The following PML variants were observed in gnomAD, a reference collection of about 807,000 sequenced individuals.
PML encodes protein PML.
In PML, 28 loss-of-function variants were observed where a neutral mutation model predicts 65.2. The ratio of observed to expected loss-of-function variants is 0.43; its 90% CI spans 0.32 to 0.59. The LOEUF is 0.59. Ranked by LOEUF, PML falls within the 20% of genes least tolerant of loss-of-function variation. The probability of loss-of-function intolerance (pLI) is 0.08; values close to 1 mark genes in which losing one functional copy is unlikely to be tolerated. For synonymous variants in PML, 500 were observed against 508.8 expected (o/e 0.98, Z 0.23); for missense variants, 1,021 against 1,203.4 (o/e 0.85, Z 2.24).
At chr15:74,015,144 C>T (rs1367066790) in intron 2 of PML, among the ~76,000 whole-genome samples, 1 of 152,220 alleles carries the variant, frequency 6.6e-6, no homozygotes, top group East Asian at 1.9e-4. Flanking sequence ...TTTCCCCTCT[C>T]CAACACTACC....
At chr15:74,022,617 A>G (rs1406487103) in intron 2 of PML, among the ~76,000 whole-genome samples, 2 of 152,208 alleles carry the variant, frequency 1.3e-5, no homozygotes, top group Non-Finnish European at 2.9e-5. Context: ...GGATGTTGAA[A>G]TTGTTACTGT....
intron 2 of PML, among the ~76,000 whole-genome samples, chr15:74,006,467 A>G (rs928792782): frequency 1.3e-5 from 2 of 152,036 alleles, no homozygotes; most frequent in Non-Finnish European, 1.5e-5. Context: ...CACATCTAGC[A>G]TGGGAATTGT....
chr15:74,000,884 A>T (rs2069730567), intron 2 of PML, among the ~76,000 whole-genome samples: 1 of 152,242 alleles, frequency 6.6e-6, no homozygotes, highest in Non-Finnish European at 1.5e-5. Context: ...AAATTCTATT[A>T]TAATTTCTCT....
intron 4 of PML, 104 bp downstream of exon 4, chr15:74,025,031 G>A: frequency 1.3e-6 from 1 of 785,302 alleles, no homozygotes; most frequent in East Asian, 2.5e-5. Context: ...GTCTGAGTGA[G>A]GGACAGCAAG....
At chr15:74,041,047 G>T (rs2071685135) in intron 7 of PML, among the ~76,000 whole-genome samples, 1 of 152,214 alleles carries the variant, frequency 6.6e-6, no homozygotes, top group African/African-American at 2.4e-5. Context: ...GGGAAGACTG[G>T]TTCTAAGGCC....
chr15:74,042,952 C>T lies in PML; in HGVS notation c.1711-37C>T. The T allele has an allele frequency of 7.4e-6, 12 of 1,612,858 alleles. No homozygotes were observed. The highest frequency in any genetic ancestry group is 9.3e-6 in the Non-Finnish European group (11 of 1,179,976). ...TTCTGCACAGGTGCTTGCCTTGGCCCTCTGAATCCCTGACGCTTGGTTTTT... is the reference window on the plus strand; with the variant it reads ...TTCTGCACAGGTGCTTGCCTTGGCCTTCTGAATCCCTGACGCTTGGTTTTT... On this transcript the variant is annotated intron_variant, in intron 7 of 8. Transcript: ENST00000268058. This position sits in a 1 kb window ranked among gnomAD's most constrained non-coding sequence, Gnocchi z 5.3.
rs1011715830 is a variant in PML, at chr15:74,045,556, C to T, written c.*548C>T. ...CAGAGGCCAACTCTGTTCCCTTCTC[C>T]TTTCATCCCAGAGGGGCCTCATCAG... On this transcript the variant is annotated 3_prime_UTR_variant, in exon 9 of 9. Transcript: ENST00000268058. 1 of 234,258 alleles carries T rather than the reference C, an allele frequency of 4.3e-6. No homozygotes were observed. 14.5% of individuals were successfully genotyped at this position (234,258 alleles called of 1,614,324 possible).
chr15:74,000,993 G>C (rs529784107), intron 2 of PML, among the ~76,000 whole-genome samples: 1 of 152,178 alleles, frequency 6.6e-6, no homozygotes, highest in Admixed American at 6.5e-5. Context: ...AGATTTTTGG[G>C]AACTTTTCCC....
intron 2 of PML, among the ~76,000 whole-genome samples, chr15:74,010,889 G>T (rs1048901613): frequency 6.6e-6 from 1 of 152,126 alleles, no homozygotes; most frequent in African/African-American, 2.4e-5. Flanking sequence ...TAGCATTTGG[G>T]CTACACCTTG....
chr15:73,996,004 G>A (rs925646675), intron 1 of PML, among the ~76,000 whole-genome samples: 2 of 152,026 alleles, frequency 1.3e-5, no homozygotes, highest in African/African-American at 4.8e-5. Context: ...CACCCACCTC[G>A]GCCTCCCAAA....
chr15:74,033,618 G>A, intron 6 of PML: 1 of 714,322 alleles, frequency 1.4e-6, no homozygotes, highest in South Asian at 1.5e-5. Flanking sequence ...ATTGAGGTGT[G>A]GGGAGCCTGA....
chr15:73,995,291 G>A (rs1291663167), intron 1 of PML, among the ~76,000 whole-genome samples: 2 of 152,256 alleles, frequency 1.3e-5, no homozygotes, highest in Non-Finnish European at 2.9e-5. Flanking sequence ...TCAGATTAGG[G>A]AGGATGGAGG....
At chr15:74,021,256 G>A (rs1411526094) in intron 2 of PML, among the ~76,000 whole-genome samples, 2 of 152,176 alleles carry the variant, frequency 1.3e-5, no homozygotes, top group Non-Finnish European at 2.9e-5. Context: ...TAGTATCTGA[G>A]ACACAATAAA....
intron 2 of PML, among the ~76,000 whole-genome samples, chr15:74,019,521 C>T (rs1301522027): frequency 6.6e-6 from 1 of 152,176 alleles, no homozygotes; most frequent in Non-Finnish European, 1.5e-5. Flanking sequence ...GAATGTCTTA[C>T]TCTACCCTCA....
At position 74,037,298 on chromosome 15, in the gene PML, A is replaced by G; in HGVS notation, c.1710+2768A>G. On this transcript the variant is annotated intron_variant, in intron 7 of 8. Transcript: ENST00000268058. The surrounding 1 kb of genome is among the most constrained non-coding windows in gnomAD (Gnocchi z 4.2). ...AGGGACAGTTGACATCTTGCTATTT[A>G]CAGATCCCCATCGCACCCCTTCCCT... 1 of 985,354 alleles carries G rather than the reference A, an allele frequency of 1.0e-6. No homozygotes were observed. Among genetic ancestry groups the G allele is most frequent in the Non-Finnish European group, 1.2e-6 (1 of 829,898 alleles). 61.0% of individuals were successfully genotyped at this position (985,354 alleles called of 1,614,324 possible).
intron 7 of PML, among the ~76,000 whole-genome samples, chr15:74,041,030 T>G (rs2071684790): frequency 6.6e-6 from 1 of 152,216 alleles, no homozygotes; most frequent in Non-Finnish European, 1.5e-5. Flanking sequence ...AGAGCAGATC[T>G]GAAGGCGGGA....
At chr15:74,036,226 C>G in intron 7 of PML, 7 of 1,543,640 alleles carry the variant, frequency 4.5e-6, no homozygotes, top group Non-Finnish European at 6.1e-6. Context: ...CACCCTTGCA[C>G]TCTCCTGTAT....
chr15:74,012,044 T>A (rs923916674), intron 2 of PML, among the ~76,000 whole-genome samples: 3 of 152,170 alleles, frequency 2.0e-5, no homozygotes, highest in African/African-American at 7.2e-5. Context: ...ATTTTCCCTT[T>A]TACAGAAGAT....
rs747678613 is a variant in PML at position 73,998,282 on chromosome 15, C to G, written c.408C>G (p.Ala136=). The G allele has an allele frequency of 6.2e-7, 1 of 1,614,194 alleles. No individual in the cohort carries two copies. Residue 136 remains alanine, a synonymous_variant, in exon 2 of 9, where the codon GCC becomes GCG. Coordinates refer to ENST00000268058, the MANE Select transcript of PML (RefSeq NM_033238.3). ...TGTGCACCCGCTGCAAAGAGTCGGC[C>G]GACTTCTGGTGCTTTGAGTGCGAGC... ...QAVCTRCKES[A]DFWCFECEQL...
Sources: gnomAD v4.1 joint callset for allele counts (sites outside exome capture counted in the v4.1 genomes callset) on GRCh38, gnomAD v4.1.1 for gene constraint, Gnocchi (gnomAD v3.1) non-coding constraint, MANE v1.5 for transcripts, NCBI Gene and HGNC (gene_info 2026-07-23, HGNC 2026-07-21) for gene names.